Variants in GSDMC observed in about 807,000 individuals in gnomAD.
The protein encoded by GSDMC is gasdermin-C.
In GSDMC, 59 loss-of-function variants were observed where a neutral mutation model predicts 58.0. The ratio of observed to expected loss-of-function variants is 1.02; its 90% CI spans 0.82 to 1.26. The LOEUF (loss-of-function observed/expected upper bound fraction) is 1.26, where lower values mean the gene tolerates loss of function less well. Among genes scored for constraint, GSDMC ranks in the 50% most tolerant of loss-of-function variants. The pLI, the probability that GSDMC is intolerant of heterozygous loss-of-function variation, is 0.00. For synonymous variants in GSDMC, 241 were observed against 220.2 expected (o/e 1.09, Z -0.83); for missense variants, 659 against 598.5 (o/e 1.10, Z -1.06).
chr8:129,742,423 T>C, the GSDMC span, among the ~76,000 whole-genome samples: 2 of 152,162 alleles, frequency 1.3e-5, no homozygotes, highest in African/African-American at 4.8e-5. Flanking sequence ...AATATTCATT[T>C]TAGAAACAAA....
chr8:129,766,451 C>CA (rs894206423), intron 3 of GSDMC, among the ~76,000 whole-genome samples: 18 of 152,188 alleles, frequency 1.2e-4, no homozygotes, highest in African/African-American at 3.9e-4. Context: ...TCCTAGATAA[C>CA]AGTCATGTGG....
intron 1 of GSDMC, among the ~76,000 whole-genome samples, chr8:129,784,157 G>T (rs1425556957): frequency 6.6e-6 from 1 of 152,102 alleles, no homozygotes; most frequent in Non-Finnish European, 1.5e-5. Context: ...AAACACTGGG[G>T]AAACTCTCCA....
chr8:129,775,695 T>A (rs1405762139), intron 3 of GSDMC, among the ~76,000 whole-genome samples: 1 of 152,214 alleles, frequency 6.6e-6, no homozygotes, highest in Non-Finnish European at 1.5e-5. Flanking sequence ...GACAGCAATG[T>A]ACATGTTATT....
the GSDMC span, among the ~76,000 whole-genome samples, chr8:129,713,756 C>T: frequency 6.6e-6 from 1 of 152,120 alleles, no homozygotes; most frequent in Non-Finnish European, 1.5e-5. Flanking sequence ...AAAAGAGTGA[C>T]ACTGTGTAAC....
At chr8:129,742,152 G>A in the GSDMC span, among the ~76,000 whole-genome samples, 1 of 151,960 alleles carries the variant, frequency 6.6e-6, no homozygotes, top group Non-Finnish European at 1.5e-5. Context: ...TAAGATGGGG[G>A]TTATTGAAGA....
chr8:129,764,305 G>C (rs956926367), intron 4 of GSDMC, among the ~76,000 whole-genome samples: 2 of 152,004 alleles, frequency 1.3e-5, no homozygotes, highest in Non-Finnish European at 2.9e-5. Flanking sequence ...ATCTCTTTGG[G>C]GTCTCCAGTG....
At chr8:129,768,466 A>G (rs1313378321) in intron 3 of GSDMC, among the ~76,000 whole-genome samples, 1 of 152,232 alleles carries the variant, frequency 6.6e-6, no homozygotes, top group African/African-American at 2.4e-5. Context: ...CAGATAGACA[A>G]CTAAACAAAA....
chr8:129,776,977 C>T (rs529899115), intron 2 of GSDMC, among the ~76,000 whole-genome samples: 2 of 151,442 alleles, frequency 1.3e-5, no homozygotes, highest in Non-Finnish European at 2.9e-5. Flanking sequence ...AGCATGTTGG[C>T]CAGACTGGTC....
At chr8:129,737,097 C>G in the GSDMC span, among the ~76,000 whole-genome samples, 1 of 152,222 alleles carries the variant, frequency 6.6e-6, no homozygotes, top group East Asian at 1.9e-4. Context: ...TGTGAAGGAC[C>G]TCTTCAAGGA....
the GSDMC span, among the ~76,000 whole-genome samples, chr8:129,712,071 C>T: frequency 6.6e-6 from 1 of 152,118 alleles, no homozygotes; most frequent in East Asian, 1.9e-4. Flanking sequence ...TGCCTGGGCA[C>T]CATAGCAAGA....
chr8:129,722,209 C>A, the GSDMC span, among the ~76,000 whole-genome samples: 1 of 152,166 alleles, frequency 6.6e-6, no homozygotes, highest in Non-Finnish European at 1.5e-5. Context: ...TCACTAGAAG[C>A]CCTACGGTGC....
At chr8:129,732,435 G>T in the GSDMC span, among the ~76,000 whole-genome samples, 1 of 152,070 alleles carries the variant, frequency 6.6e-6, no homozygotes, top group Non-Finnish European at 1.5e-5. Flanking sequence ...GAAATAAAAA[G>T]AAAAACTCCT....
the GSDMC span, chr8:129,728,860 C>T: frequency 4.8e-6 from 3 of 627,598 alleles, no homozygotes; most frequent in Non-Finnish European, 9.2e-6. Flanking sequence ...AGGCTGTTCG[C>T]CTGGGGCGGG....
chr8:129,734,371 T>C, the GSDMC span, among the ~76,000 whole-genome samples: 1 of 152,002 alleles, frequency 6.6e-6, no homozygotes, highest in Non-Finnish European at 1.5e-5. Flanking sequence ...GACACATAAT[T>C]GTCAGATTCA....
chr8:129,706,270 T>C, the GSDMC span, among the ~76,000 whole-genome samples: 1 of 152,156 alleles, frequency 6.6e-6, no homozygotes, highest in African/African-American at 2.4e-5. Context: ...TTGCCAACAA[T>C]GGATATTACC....
chr8:129,719,268 CA>C, the GSDMC span, among the ~76,000 whole-genome samples: 2 of 152,110 alleles, frequency 1.3e-5, no homozygotes, highest in African/African-American at 4.8e-5. Flanking sequence ...ACAATATTAC[CA>C]CAGATTATAA....
At chr8:129,728,958 C>T in the GSDMC span, 27 of 669,252 alleles carry the variant, frequency 4.0e-5, no homozygotes, top group Admixed American at 6.1e-5. Context: ...GGTCAAGCTG[C>T]TGAACGAGAA....
chr8:129,710,616 C>A, the GSDMC span, among the ~76,000 whole-genome samples: 2 of 152,122 alleles, frequency 1.3e-5, no homozygotes, highest in Non-Finnish European at 2.9e-5. Context: ...TGACTTTGTT[C>A]TTATCTTGAG....
chr8:129,776,085 C>T lies in GSDMC; in HGVS notation c.404+17G>A. The T allele has an allele frequency of 6.3e-7, 1 of 1,597,454 alleles. No individual in the cohort carries two copies. Among genetic ancestry groups the T allele is most frequent in the Non-Finnish European group, 8.6e-7 (1 of 1,169,106 alleles). On this transcript the variant is annotated intron_variant, in intron 3 of 13. Coordinates refer to ENST00000276708, the MANE Select transcript of GSDMC (RefSeq NM_031415.3). The stretch of plus-strand genomic sequence containing the variant: ...GGGATACTGATGATCCATCCCCTTC[C>T]TCTCCCATGGCCTCACCTTTTTTGA...
Sources: gnomAD v4.1 joint callset for allele counts (sites outside exome capture counted in the v4.1 genomes callset) on GRCh38, gnomAD v4.1.1 for gene constraint, MANE v1.5 for transcripts, NCBI Gene and HGNC (gene_info 2026-07-23, HGNC 2026-07-21) for gene names.